CIMAP2: variants seen among roughly 807,000 people sequenced by gnomAD.
CIMAP2 encodes the protein ciliary microtubule-associated protein 2.
At chr1:54,841,915 A>G in the CIMAP2 span, 1 of 1,530,316 alleles carries the variant, frequency 6.5e-7, no homozygotes, top group Admixed American at 2.0e-5. Context: ...AGAGAGCCCA[A>G]AGGCCTGAAG....
At chr1:54,812,099 T>C in the CIMAP2 span, 3 of 1,614,138 alleles carry the variant, frequency 1.9e-6, no homozygotes, top group Non-Finnish European at 1.7e-6. Context: ...TTGAGACATA[T>C]GTGGCACGAT....
At chr1:54,811,765 G>GCCGGGGGGGGGGGGGCCCCCCCCCCCCCC in the CIMAP2 span, 10 of 1,301,298 alleles carry the variant, frequency 7.7e-6, no homozygotes, top group Admixed American at 1.8e-5. Flanking sequence ...GGTTCTGACA[G>GCCGGGGGGGGGGGGGCCCCCCCCCCCCCC]CCTCCATGCC....
the CIMAP2 span, chr1:54,806,151 G>A: frequency 6.5e-7 from 1 of 1,549,842 alleles, no homozygotes. Flanking sequence ...GGAGCTCATG[G>A]CTGGAACCGC....
chr1:54,832,782 C>G, the CIMAP2 span, among the ~76,000 whole-genome samples: 1 of 152,146 alleles, frequency 6.6e-6, no homozygotes, highest in Non-Finnish European at 1.5e-5. Flanking sequence ...AGTCCCAGAA[C>G]TTTGGGAGGC....
the CIMAP2 span, among the ~76,000 whole-genome samples, chr1:54,819,776 CCCTT>C: frequency 2.7e-4 from 37 of 136,016 alleles, no homozygotes; most frequent in African/African-American, 8.1e-4. Flanking sequence ...CTCCCTCCCT[CCCTT>C]CCTTCCTTTT....
the CIMAP2 span, among the ~76,000 whole-genome samples, chr1:54,816,124 G>A: frequency 6.6e-6 from 1 of 152,250 alleles, no homozygotes; most frequent in Non-Finnish European, 1.5e-5. Flanking sequence ...CAGCCACTGT[G>A]AAGTGGGAAG....
the CIMAP2 span, among the ~76,000 whole-genome samples, chr1:54,831,709 C>T: frequency 1.2e-4 from 19 of 152,134 alleles, no homozygotes; most frequent in East Asian, 3.5e-3. Context: ...TATGATATAT[C>T]AGATAAATGT....
the CIMAP2 span, among the ~76,000 whole-genome samples, chr1:54,808,511 C>T: frequency 1.3e-5 from 2 of 149,600 alleles, no homozygotes; most frequent in Non-Finnish European, 3.0e-5. Flanking sequence ...AGGGCACTGG[C>T]CGAGGGTGAG....
chr1:54,812,037 G>A, the CIMAP2 span: 96 of 1,614,172 alleles, frequency 5.9e-5, no homozygotes, highest in Non-Finnish European at 1.0e-5. Context: ...CACCTCTGCT[G>A]TGCTCTAGGG....
chr1:54,813,967 C>G, the CIMAP2 span: 6 of 1,604,030 alleles, frequency 3.7e-6, no homozygotes, highest in South Asian at 6.8e-5. Context: ...CCAGTGCCCC[C>G]GCACACTGGT....
At chr1:54,814,769 T>G in the CIMAP2 span, 1 of 1,176,682 alleles carries the variant, frequency 8.5e-7, no homozygotes, top group Non-Finnish European at 1.2e-6. Context: ...TGCCGGGAGA[T>G]AGCTGGGTAC....
the CIMAP2 span, among the ~76,000 whole-genome samples, chr1:54,819,864 CCT>C: frequency 2.2e-4 from 21 of 93,610 alleles, no homozygotes; most frequent in East Asian, 2.6e-3. Flanking sequence ...TTCCTTCCTT[CCT>C]CTCTTTCTTC....
chr1:54,818,385 C>T, the CIMAP2 span, among the ~76,000 whole-genome samples: 150,012 of 150,892 alleles, frequency 0.99, 74,569 homozygotes, highest in Middle Eastern at 1. Context: ...CTTTTTTTTT[C>T]TCTCTCTCTC....
the CIMAP2 span, among the ~76,000 whole-genome samples, chr1:54,808,840 G>A: frequency 6.6e-6 from 1 of 152,044 alleles, no homozygotes; most frequent in Non-Finnish European, 1.5e-5. Context: ...CAGCACAGCA[G>A]TTTGTTGGCC....
the CIMAP2 span, among the ~76,000 whole-genome samples, chr1:54,821,894 T>TGTCTGACTGCTCTGGCTAGGACTTCCAG: frequency 1.0e-4 from 8 of 79,346 alleles, no homozygotes; most frequent in South Asian, 3.8e-4. Flanking sequence ...TTCTTTTTTT[T>TGTCTGACTGCTCTGGCTAGGACTTCCAG]TTTTTTTTTT....
the CIMAP2 span, among the ~76,000 whole-genome samples, chr1:54,819,215 A>G: frequency 1.2e-4 from 19 of 152,052 alleles, no homozygotes; most frequent in African/African-American, 4.6e-4. Context: ...GAGGAAGGAG[A>G]CTGGGCTGTC....
At chr1:54,809,681 T>C in the CIMAP2 span, among the ~76,000 whole-genome samples, 2 of 152,054 alleles carry the variant, frequency 1.3e-5, no homozygotes, top group South Asian at 4.1e-4. Context: ...TTGGCCCCCA[T>C]AGTTCTTGGA....
the CIMAP2 span, chr1:54,811,766 C>CGGGGGGGGGGGGGGCGG: frequency 6.1e-6 from 8 of 1,305,190 alleles, no homozygotes; most frequent in East Asian, 2.5e-5. Context: ...GTTCTGACAG[C>CGGGGGGGGGGGGGGCGG]CTCCATGCCC....
chr1:54,834,656 A>T, the CIMAP2 span, among the ~76,000 whole-genome samples: 6 of 152,100 alleles, frequency 3.9e-5, no homozygotes, highest in Non-Finnish European at 8.8e-5. Context: ...TATCTTAGGG[A>T]TGGGACCCAA....
Sources: gnomAD v4.1 joint callset for allele counts (sites outside exome capture counted in the v4.1 genomes callset) on GRCh38, gnomAD v4.1.1 for gene constraint, MANE v1.5 for transcripts, NCBI Gene and HGNC (gene_info 2026-07-23, HGNC 2026-07-21) for gene names.